Variants in ASTN2 observed in about 807,000 individuals in gnomAD.
ASTN2 encodes the protein astrotactin 2, also known as astrotactin-2.
ASTN2 carries 54 observed loss-of-function variants against 139.8 expected under a neutral mutation model. The ratio of observed to expected loss-of-function variants is 0.39; its 90% CI spans 0.31 to 0.48. ASTN2 has a LOEUF of 0.48. ASTN2 is among the 20% of genes least tolerant of loss of function. ASTN2 has a pLI of 0.95. For synonymous variants in ASTN2, 756 were observed against 719.5 expected (o/e 1.05, Z -0.81); for missense variants, 1,565 against 1,725.1 (o/e 0.91, Z 1.64).
At chr9:116,951,064 G>A (rs921182230) in intron 10 of ASTN2, among the ~76,000 whole-genome samples, 1 of 152,156 alleles carries the variant, frequency 6.6e-6, no homozygotes, top group African/African-American at 2.4e-5. Context: ...TAGGCCATAT[G>A]TGATGGCTCA....
chr9:117,047,576 T>G (rs559793231), intron 5 of ASTN2, among the ~76,000 whole-genome samples: 1 of 152,186 alleles, frequency 6.6e-6, no homozygotes, highest in Non-Finnish European at 1.5e-5. Flanking sequence ...TATTCTCAGA[T>G]AGTTTAATGT....
In ASTN2 at chr9:117,192,979, T is replaced by C. The variant is rs552405256; in HGVS notation, c.1015+21379A>G. ...AGCTATTACCGTTTTATACCCTTCT[T>C]AACTGTGACCTTTTAGGGAAAGACT... On this transcript the variant is annotated intron_variant, in intron 3 of 22. Coordinates refer to ENST00000313400, the MANE Select transcript of ASTN2 (RefSeq NM_001365068.1). Among the ~76,000 whole-genome samples the C allele has an allele frequency of 3.7e-4, 56 of 152,364 alleles. No homozygotes were observed. In the South Asian group the frequency reaches 0.011, roughly 30 times the overall value.
intron 11 of ASTN2, among the ~76,000 whole-genome samples, chr9:116,828,995 T>C (rs2132281910): frequency 6.6e-6 from 1 of 152,114 alleles, no homozygotes; most frequent in South Asian, 2.1e-4. Flanking sequence ...AAAACACTGA[T>C]GAAATAAATT....
intron 4 of ASTN2, among the ~76,000 whole-genome samples, chr9:117,115,388 A>G (rs1829358238): frequency 6.6e-6 from 1 of 152,000 alleles, no homozygotes; most frequent in Non-Finnish European, 1.5e-5. Flanking sequence ...ATGGGGGTGC[A>G]TGCCTGTAGT....
At chr9:116,812,082 T>C (rs1035105158) in intron 12 of ASTN2, among the ~76,000 whole-genome samples, 1 of 152,216 alleles carries the variant, frequency 6.6e-6, no homozygotes, top group Non-Finnish European at 1.5e-5. Context: ...TCTGAGTGTG[T>C]GTGTGTACAT....
intron 3 of ASTN2, among the ~76,000 whole-genome samples, chr9:117,193,254 C>G (rs1831395799): frequency 1.3e-5 from 2 of 152,218 alleles, no homozygotes; most frequent in African/African-American, 2.4e-5. Flanking sequence ...ATGCAAAATT[C>G]AAACATCACT....
chr9:117,119,990 ATGTGTGTGTGTG>A (rs752111718), intron 4 of ASTN2, among the ~76,000 whole-genome samples: 1 of 73,256 alleles, frequency 1.4e-5, no homozygotes, highest in African/African-American at 6.1e-5. Context: ...ATATATTTGT[ATGTGTGTGTGTG>A]TGTGTGTGTG....
At chr9:117,124,738 G>A (rs756528595) in intron 4 of ASTN2, among the ~76,000 whole-genome samples, 8 of 151,212 alleles carry the variant, frequency 5.3e-5, no homozygotes, top group Non-Finnish European at 1.0e-4. Flanking sequence ...CACAGAGGTT[G>A]AGGCTGTAGC....
intron 19 of ASTN2, among the ~76,000 whole-genome samples, chr9:116,559,962 A>T (rs916831229): frequency 1.3e-5 from 2 of 152,192 alleles, no homozygotes; most frequent in South Asian, 2.1e-4. Flanking sequence ...TTTTATTGAT[A>T]AAGAAACAAC....
chr9:117,242,483 T>A (rs1449769555), intron 2 of ASTN2, among the ~76,000 whole-genome samples: 1 of 152,146 alleles, frequency 6.6e-6, no homozygotes, highest in African/African-American at 2.4e-5. Context: ...GCTGGAAGCA[T>A]CCTAATGGTT....
At chr9:117,148,388 T>C (rs994224332) in intron 3 of ASTN2, among the ~76,000 whole-genome samples, 1 of 152,256 alleles carries the variant, frequency 6.6e-6, no homozygotes, top group South Asian at 2.1e-4. Flanking sequence ...TTTCTCTCAC[T>C]AACCTGTCAG....
intron 10 of ASTN2, among the ~76,000 whole-genome samples, chr9:116,873,436 C>T (rs536805728): frequency 6.6e-6 from 1 of 152,322 alleles, no homozygotes; most frequent in African/African-American, 2.4e-5. Context: ...GGAATGCATA[C>T]TGAGGAGGCA....
chr9:117,219,295 A>C (rs1832436242), intron 2 of ASTN2, among the ~76,000 whole-genome samples: 1 of 152,148 alleles, frequency 6.6e-6, no homozygotes, highest in African/African-American at 2.4e-5. Flanking sequence ...AGGCAGGAGC[A>C]ATCGACCAGT....
chr9:117,132,840 GC>G (rs1413474674), intron 4 of ASTN2, among the ~76,000 whole-genome samples: 1 of 152,180 alleles, frequency 6.6e-6, no homozygotes, highest in Non-Finnish European at 1.5e-5. Flanking sequence ...CTTTGAAGAT[GC>G]CAGGGTGCCG....
chr9:117,102,970 T>G (rs535799000), intron 4 of ASTN2, among the ~76,000 whole-genome samples: 1 of 151,828 alleles, frequency 6.6e-6, no homozygotes, highest in South Asian at 2.1e-4. Context: ...AGAGGGAAAG[T>G]TGGGGCACAG....
chr9:117,045,628 C>A (rs1292689400), intron 5 of ASTN2, among the ~76,000 whole-genome samples: 1 of 152,110 alleles, frequency 6.6e-6, no homozygotes, highest in Non-Finnish European at 1.5e-5. Context: ...TTGATTGATT[C>A]TTGCTTTGGA....
chr9:117,237,406 G>A (rs1833077553), intron 2 of ASTN2, among the ~76,000 whole-genome samples: 1 of 152,116 alleles, frequency 6.6e-6, no homozygotes, highest in Non-Finnish European at 1.5e-5. Flanking sequence ...TACTGTTCCA[G>A]GACTGTGGCT....
At position 116,597,299 on chromosome 9, in the gene ASTN2, ATTTTTTTT is replaced by A. The variant is rs757848093; in HGVS notation, c.3355+21017_3355+21024del. 5.1e-3 allele frequency among the ~76,000 whole-genome samples: 387 copies of A among 75,552 alleles called. 9 individuals carry two copies. The highest frequency in any genetic ancestry group is 0.016 in the African/African-American group (318 of 20,506). 49.6% of individuals were successfully genotyped at this position (75,552 alleles called of 152,430 possible). A position where few individuals can be genotyped will look rare whatever the true frequency, so the allele number is the denominator to read the frequency against. ...CAAAATATTCCATGACTTTTGATCT[ATTTTTTTT>A]TTTTTTTTTTTTTTTTGGAGATAAG... On this transcript the variant is annotated intron_variant, in intron 19 of 22. Coordinates refer to ENST00000313400, the MANE Select transcript of ASTN2 (RefSeq NM_001365068.1).
At chr9:116,951,635 G>A (rs141142919) in intron 10 of ASTN2, among the ~76,000 whole-genome samples, 2,256 of 152,238 alleles carry the variant, frequency 0.015, 35 homozygotes, top group Middle Eastern at 0.024. Flanking sequence ...AGATGAGTAG[G>A]AGAGGGTGGT....
Sources: gnomAD v4.1 joint callset for allele counts (sites outside exome capture counted in the v4.1 genomes callset) on GRCh38, gnomAD v4.1.1 for gene constraint, MANE v1.5 for transcripts, NCBI Gene and HGNC (gene_info 2026-07-23, HGNC 2026-07-21) for gene names.